Variants in GBE1 observed in about 807,000 individuals in gnomAD.
GBE1 encodes 1,4-alpha-glucan branching enzyme 1.
In GBE1, 70 loss-of-function variants were observed where a neutral mutation model predicts 88.8. The observed-to-expected ratio is 0.79, with a 90% confidence interval of 0.65 to 0.96. GBE1 has a LOEUF of 0.96. GBE1 is among the 40% of genes least tolerant of loss of function. The pLI is 0.00. For synonymous variants in GBE1, 284 were observed against 300.1 expected (o/e 0.95, Z 0.56); for missense variants, 872 against 871.0 (o/e 1.00, Z -0.01).
At chr3:81,618,123 A>G (rs1218181546) in intron 7 of GBE1, among the ~76,000 whole-genome samples, 3 of 151,946 alleles carry the variant, frequency 2.0e-5, no homozygotes, top group Admixed American at 1.3e-4. Flanking sequence ...TTTCTTCTCC[A>G]TTTCATAGAA....
chr3:81,619,301 A>G (rs1704293122), intron 7 of GBE1, among the ~76,000 whole-genome samples: 1 of 152,286 alleles, frequency 6.6e-6, no homozygotes, highest in Non-Finnish European at 1.5e-5. Flanking sequence ...ATATATCTAC[A>G]CATACATATA....
chr3:81,541,367 T>C (rs1220778257), intron 12 of GBE1, among the ~76,000 whole-genome samples: 2 of 151,862 alleles, frequency 1.3e-5, no homozygotes, highest in Non-Finnish European at 2.9e-5. Flanking sequence ...ATTACATTAT[T>C]ATCATTTATT....
At chr3:81,702,100 AGAGT>A (rs1318864311) in intron 2 of GBE1, among the ~76,000 whole-genome samples, 2,243 of 75,552 alleles carry the variant, frequency 0.03, 13 homozygotes, top group Middle Eastern at 0.052. Flanking sequence ...AGAGAGAGAG[AGAGT>A]GTGTGTGTGT....
At chr3:81,539,853 T>A (rs921543040) in intron 12 of GBE1, among the ~76,000 whole-genome samples, 1 of 151,874 alleles carries the variant, frequency 6.6e-6, no homozygotes, top group African/African-American at 2.4e-5. Flanking sequence ...GAAGGAAACA[T>A]CAGCATCTGT....
chr3:81,667,879 G>A (rs1705135814), intron 3 of GBE1, among the ~76,000 whole-genome samples: 4 of 152,072 alleles, frequency 2.6e-5, no homozygotes. Flanking sequence ...TTGCATTGAT[G>A]TTCATCAGGG....
At chr3:81,590,159 TG>T (rs1227804446) in intron 9 of GBE1, among the ~76,000 whole-genome samples, 2 of 152,006 alleles carry the variant, frequency 1.3e-5, no homozygotes, top group Non-Finnish European at 1.5e-5. Context: ...TTTTGAGAAA[TG>T]GTGGATATAA....
intron 10 of GBE1, among the ~76,000 whole-genome samples, chr3:81,585,232 G>C (rs1418207336): frequency 2.0e-5 from 3 of 151,886 alleles, no homozygotes; most frequent in Admixed American, 1.3e-4. Flanking sequence ...TTGCCCAGGG[G>C]GACAGGAAAG....
chr3:81,560,585 A>G (rs1703403335), intron 12 of GBE1, among the ~76,000 whole-genome samples: 1 of 152,006 alleles, frequency 6.6e-6, no homozygotes, highest in African/African-American at 2.4e-5. Flanking sequence ...TTTCAAACTT[A>G]TCTTTGTCAT....
At chr3:81,629,029 T>G (rs1217758193) in intron 7 of GBE1, among the ~76,000 whole-genome samples, 5 of 144,448 alleles carry the variant, frequency 3.5e-5, no homozygotes, top group Non-Finnish European at 4.5e-5. Context: ...TTTTTTTTTT[T>G]TTTTTTTTTT....
chr3:81,609,766 T>A (rs183853789), intron 7 of GBE1, among the ~76,000 whole-genome samples: 2 of 152,202 alleles, frequency 1.3e-5, no homozygotes, highest in Non-Finnish European at 2.9e-5. Flanking sequence ...GTTAATATTG[T>A]TGGTTGCTAA....
intron 7 of GBE1, among the ~76,000 whole-genome samples, chr3:81,597,412 ATGG>A (rs1442371497): frequency 6.7e-6 from 1 of 149,318 alleles, no homozygotes; most frequent in African/African-American, 2.4e-5. Context: ...TAACTTTTAG[ATGG>A]TGATGTCAAA....
Position 81,501,201 on chromosome 3 carries a change from A to T in GBE1, c.1935-1974T>A, listed in dbSNP as rs377548442. Among the ~76,000 whole-genome samples the T allele has an allele frequency of 2.0e-5, 3 of 152,230 alleles. No homozygotes were observed. In the East Asian group the frequency reaches 5.8e-4, roughly 29 times the overall value. On this transcript the variant is annotated intron_variant, in intron 14 of 15. Coordinates refer to ENST00000429644, the MANE Select transcript of GBE1 (RefSeq NM_000158.4). ...CAATTATGGGAATGTGACAAGACAC[A>T]AGAGCTTGTGCCGGGGGCAGTAAAT...
At chr3:81,737,155 A>AAG (rs1046376541) in intron 1 of GBE1, among the ~76,000 whole-genome samples, 10 of 150,954 alleles carry the variant, frequency 6.6e-5, no homozygotes, top group Admixed American at 4.7e-4. Context: ...GCCATTAACT[A>AAG]AGAGAGAGAT....
chr3:81,581,714 A>G (rs1703734498), intron 10 of GBE1, among the ~76,000 whole-genome samples: 1 of 152,126 alleles, frequency 6.6e-6, no homozygotes, highest in African/African-American at 2.4e-5. Flanking sequence ...TCATTTTTAC[A>G]AAGTGATAAA....
At chr3:81,750,791 C>A (rs1461780477) in intron 1 of GBE1, among the ~76,000 whole-genome samples, 1 of 147,090 alleles carries the variant, frequency 6.8e-6, no homozygotes, top group Non-Finnish European at 1.5e-5. Context: ...AGCGATTCTT[C>A]TTCCTCAGCC....
chr3:81,500,178 G>T (rs1166579124), intron 14 of GBE1, among the ~76,000 whole-genome samples: 2 of 152,044 alleles, frequency 1.3e-5, no homozygotes, highest in Non-Finnish European at 2.9e-5. Context: ...TAGTAGTGTT[G>T]CCTCCATTTT....
chr3:81,726,585 CT>C (rs34642597), intron 1 of GBE1, among the ~76,000 whole-genome samples: 8,806 of 138,486 alleles, frequency 0.064, 455 homozygotes, highest in East Asian at 0.33. Context: ...ATATTGCAGA[CT>C]TTTTTTTTTT....
intron 9 of GBE1, among the ~76,000 whole-genome samples, chr3:81,588,090 A>G (rs1703823574): frequency 7.4e-6 from 1 of 135,344 alleles, no homozygotes; most frequent in Non-Finnish European, 1.5e-5. Context: ...TCTAAGACTC[A>G]GGTCAAATGC....
chr3:81,713,897 G>C (rs1187005431), intron 1 of GBE1, among the ~76,000 whole-genome samples: 3 of 152,104 alleles, frequency 2.0e-5, no homozygotes, highest in Non-Finnish European at 2.9e-5. Flanking sequence ...GCATTACTGA[G>C]AGTCTACTGT....
Sources: allele counts gnomAD v4.1 joint callset (sites outside exome capture counted in the v4.1 genomes callset), GRCh38; gene constraint gnomAD v4.1.1; transcripts MANE v1.5; gene names NCBI Gene and HGNC (gene_info 2026-07-23, HGNC 2026-07-21).